Variants in ASTE1 observed in about 807,000 individuals in gnomAD.
ASTE1 encodes the protein asteroid structure-specific endonuclease 1, also known as single-strand DNA endonuclease ASTE1.
ASTE1 carries 49 observed loss-of-function variants against 45.8 expected under a neutral mutation model. The observed-to-expected ratio is 1.07, with a 90% CI of 0.85 to 1.36. The LOEUF (loss-of-function observed/expected upper bound fraction) is 1.36, where lower values mean the gene tolerates loss of function less well. Ranked by LOEUF, ASTE1 falls within the 40% of genes most tolerant of loss-of-function variation. The pLI is 0.00. For missense variants in ASTE1, 709 were observed against 804.0 expected, an observed-to-expected ratio of 0.88 and a Z score of 1.43; for synonymous variants, 296 against 303.9, an observed-to-expected ratio of 0.97 and a Z score of 0.27.
chr3:131,025,362 T>G (rs2063819910), intron 2 of ASTE1, 31 bp from the exon 3 acceptor site: 13 of 1,554,366 alleles, frequency 8.4e-6, no homozygotes, highest in Non-Finnish European at 1.1e-5. Flanking sequence ...CATTTTCAAT[T>G]GATGCTAGTT....
chr3:131,024,191 G>A lies in ASTE1; in HGVS notation c.1116C>T (p.Ile372=), dbSNP rs763485411. Residue 372 remains isoleucine, a synonymous_variant, in exon 3 of 6, where the codon ATC becomes ATT. Transcript: ENST00000264992. Reference sequence around the variant, plus strand: ...AAAGAAGCCCATAGATGATTTGCCTGATGGGCTGAGATATTCTGTGGGCAT... The same window carrying A: ...AAAGAAGCCCATAGATGATTTGCCTAATGGGCTGAGATATTCTGTGGGCAT... ...QPNAHRISQP[I]RQIIYGLLLN... is the part of the protein sequence containing the mutation. 1 of 1,614,168 alleles carries A rather than the reference G, an allele frequency of 6.2e-7. No homozygotes were observed. Among genetic ancestry groups the A allele is most frequent in the East Asian group, 2.2e-5 (1 of 44,884 alleles).
In ASTE1 at chr3:131,025,330, G is replaced by A. The variant is rs747685990; in HGVS notation, c.-24C>T. 14 of 1,591,514 alleles carry A rather than the reference G, an allele frequency of 8.8e-6. No individual in the cohort carries two copies. Among genetic ancestry groups the A allele is most frequent in the Middle Eastern group, 1.7e-4 (1 of 5,978 alleles). On this transcript the variant is annotated splice_region_variant and 5_prime_UTR_variant, in exon 3 of 6. Transcript: ENST00000264992. ...ATGATGACAGTCTAAAGAATTAATC[G>A]CCTGTTTAAAACAACAGAAAACATT...
At chr3:131,020,800 T>C (rs776955547) in intron 3 of ASTE1, among the ~76,000 whole-genome samples, 15 of 152,242 alleles carry the variant, frequency 9.9e-5, no homozygotes, top group Non-Finnish European at 2.1e-4. Flanking sequence ...AGCTGGGTGA[T>C]AGCAGAGCGC....
intron 4 of ASTE1, among the ~76,000 whole-genome samples, chr3:131,018,281 C>G (rs534337533): frequency 6.6e-6 from 1 of 152,336 alleles, no homozygotes; most frequent in South Asian, 2.1e-4. Flanking sequence ...ACACATCTCA[C>G]TGCTGTATAC....
rs2063557682 is a variant in ASTE1, at chr3:131,015,286, CT to C, written c.1709+857del. On this transcript the variant is annotated intron_variant, in intron 5 of 5. Transcript: ENST00000264992. The stretch of plus-strand genomic sequence containing the variant: ...AACAGCAAATAAAATAGACAAGCCC[CT>C]CCCCCCACAGAGTTTACATCTGAGT... 8.7e-6 allele frequency: 6 copies of C among 693,420 alleles called. No individual in the cohort carries two copies. In the Middle Eastern group the frequency reaches 1.4e-3, roughly 161 times the overall value. 43.0% of individuals were successfully genotyped at this position (693,420 alleles called of 1,614,324 possible).
In ASTE1 at chr3:131,025,479, T is replaced by C. The variant is rs2063827958; in HGVS notation, c.-31A>G. The stretch of plus-strand genomic sequence containing the variant: ...TCAACATCATAAATTCTTACCTAGA[T>C]CCTCAAGCAATGTTAGCTGTGCTTT... On this transcript the variant is annotated 5_prime_UTR_variant, in exon 2 of 6. Coordinates refer to ENST00000264992, the MANE Select transcript of ASTE1 (RefSeq NM_014065.4). The C allele has an allele frequency of 9.2e-7, 1 of 1,086,486 alleles. No homozygotes were observed. Among genetic ancestry groups the C allele is most frequent in the African/African-American group, 1.6e-5 (1 of 62,436 alleles). The allele number at this position is 1,086,486 out of a possible 1,614,324, so 67.3% of individuals were successfully genotyped here. A position where few individuals can be genotyped will look rare whatever the true frequency, so the allele number is the denominator to read the frequency against.
Position 131,018,703 on chromosome 3 carries a change from C to T in ASTE1, c.1316G>A (p.Arg439Lys), listed in dbSNP as rs778169586. 6.2e-7 allele frequency: 1 copy of T among 1,613,868 alleles called. No individual in the cohort carries two copies. The highest frequency in any genetic ancestry group is 8.5e-7 in the Non-Finnish European group (1 of 1,179,986). Residue 439 changes from arginine (R) to lysine (K), a missense_variant, in exon 4 of 6, where the codon AGG becomes AAG. Transcript: ENST00000264992. The part of the protein sequence containing the change: ...LSRLTELSLR[R>K]RQMLLLETLK... ...GGTTTCTAACAGAAGCATCTGCCGC[C>T]TCCTCAAGGAGAGCTGAAAATACAC...
intron 3 of ASTE1, 52 bp from the exon 4 acceptor site, chr3:131,018,768 T>C (rs1488874086): frequency 2.6e-6 from 4 of 1,565,612 alleles, no homozygotes; most frequent in Non-Finnish European, 3.5e-6. Flanking sequence ...ATGTCTGTTA[T>C]TTCTTTTTTC....
intron 3 of ASTE1, among the ~76,000 whole-genome samples, chr3:131,020,548 GTTA>G (rs1422098754): frequency 6.6e-6 from 1 of 151,216 alleles, no homozygotes; most frequent in Non-Finnish European, 1.5e-5. Context: ...ATCCCATGTG[GTTA>G]TTGTGGGAAT....
In ASTE1 at chr3:131,024,306, G is replaced by A; in HGVS notation, c.1001C>T (p.Ala334Val). The A allele has an allele frequency of 6.2e-7, 1 of 1,614,210 alleles. No homozygotes were observed. Among genetic ancestry groups the A allele is most frequent in the Non-Finnish European group, 8.5e-7 (1 of 1,180,042 alleles). The change falls in exon 3 of 6, where the codon GCT (alanine) becomes GTT (valine). Residue 334 changes from alanine (A) to valine (V), a missense_variant. Ala to Val is a moderately conservative substitution (Grantham distance 64). Transcript: ENST00000264992. ...GLPEWVLVAL[A>V]KGQLSPFISD... ...GATGAAAGGAGATAGCTGGCCTTTAGCTAAAGCCACTAATACCCATTCTGG... is the reference window on the plus strand; with the variant it reads ...GATGAAAGGAGATAGCTGGCCTTTAACTAAAGCCACTAATACCCATTCTGG...
In ASTE1 at chr3:131,025,252, T is replaced by C; in HGVS notation, c.55A>G (p.Thr19Ala). 2 of 1,614,190 alleles carry C rather than the reference T, an allele frequency of 1.2e-6. No homozygotes were observed. The highest frequency in any genetic ancestry group is 2.2e-5 in the South Asian group (2 of 91,086). The part of the protein sequence containing the change: ...FVEDHSNEFF[T>A]DLKLRDTKIV... Reference sequence around the variant, plus strand: ...TTTGTGTCCCGCAACTTCAAATCAGTGAAGAACTCATTACTATGATCTTCC... The same window carrying C: ...TTTGTGTCCCGCAACTTCAAATCAGCGAAGAACTCATTACTATGATCTTCC... The change falls in exon 3 of 6, where the codon ACT becomes GCT. Residue 19 changes from threonine (T) to alanine (A), a missense_variant. Transcript: ENST00000264992.
rs759687066 is a variant in ASTE1 at position 131,024,562 on chromosome 3, T to C, written c.745A>G (p.Lys249Glu). 6.2e-7 allele frequency: 1 copy of C among 1,613,932 alleles called. No homozygotes were observed. Among genetic ancestry groups the C allele is most frequent in the Admixed American group, 1.7e-5 (1 of 59,974 alleles). The change falls in exon 3 of 6, where the codon AAA (lysine) becomes GAA (glutamate). Residue 249 changes from lysine (K) to glutamate (E), a missense_variant. Transcript: ENST00000264992. The part of the protein sequence containing the change: ...ARLPLGATSS[K>E]GRRHHRILGL... ...AGGATTCGGTGGTGTCTCCTCCCTT[T>C]AGAACTGGTAGCTCCAAGAGGAAGA...
At position 131,024,588 on chromosome 3, in the gene ASTE1, C is replaced by T. The variant is rs529513023; in HGVS notation, c.719G>A (p.Arg240His). Residue 240 changes from arginine (R) to histidine (H), a missense_variant, in exon 3 of 6, where the codon CGT becomes CAT. Arg to His is a conservative substitution (Grantham distance 29, BLOSUM62 0). Transcript: ENST00000264992. ...AGAACTGGTAGCTCCAAGAGGAAGA[C>T]GCGCTTTACTTAAGAATGTCTCCAT... ...PIMETFLSKA[R>H]LPLGATSSKG... The T allele has an allele frequency of 4.8e-5, 77 of 1,612,748 alleles. No individual in the cohort carries two copies. Among genetic ancestry groups the T allele is most frequent in the East Asian group, 4.0e-4 (18 of 44,868 alleles).
At chr3:131,021,617 T>C (rs953953253) in intron 3 of ASTE1, among the ~76,000 whole-genome samples, 1 of 152,204 alleles carries the variant, frequency 6.6e-6, no homozygotes, top group African/African-American at 2.4e-5. Context: ...CATGGATGTA[T>C]AGACCTTGCA....
intron 5 of ASTE1, chr3:131,015,213 T>A: frequency 1.4e-6 from 1 of 702,450 alleles, no homozygotes; most frequent in South Asian, 1.5e-5. Context: ...CCATATTTTG[T>A]ATGCGTCCAT....
rs771090825 is a variant in ASTE1, at chr3:131,018,591, G to A, written c.1428C>T (p.Thr476=). Residue 476 remains threonine (T), a synonymous_variant, in exon 4 of 6, where the codon ACC becomes ACT. Coordinates refer to ENST00000264992, the MANE Select transcript of ASTE1 (RefSeq NM_014065.4). ...GATGATGTAGCTTTGCTTTGGTCTC[G>A]GTGTGCTGCAACCAGTAGCAACTGA... ...IAVSCYWLQH[T]ETKAKLHHLQ... is the part of the protein sequence containing the mutation. The A allele has an allele frequency of 2.1e-5, 34 of 1,613,862 alleles. No individual in the cohort carries two copies. The highest frequency in any genetic ancestry group is 6.7e-5 in the East Asian group (3 of 44,876).
Position 131,025,162 on chromosome 3 carries a change from A to G in ASTE1, c.145T>C (p.Tyr49His). 1 of 1,614,232 alleles carries G rather than the reference A, an allele frequency of 6.2e-7. No individual in the cohort carries two copies. Among genetic ancestry groups the G allele is most frequent in the Non-Finnish European group, 8.5e-7 (1 of 1,180,044 alleles). Residue 49 changes from tyrosine to histidine, a missense_variant, in exon 3 of 6, where the codon TAT becomes CAT. Transcript: ENST00000264992. ...GCAAAAGAATCATAGTCCCCTCCATACCGGAGATCCAAGTTTGAACTGAAG... is the reference window on the plus strand; with the variant it reads ...GCAAAAGAATCATAGTCCCCTCCATGCCGGAGATCCAAGTTTGAACTGAAG... ...LCFSSNLDLR[Y>H]GGDYDSFADV...
intron 3 of ASTE1, 42 bp from the exon 4 acceptor site, chr3:131,018,758 A>G: frequency 1.3e-6 from 2 of 1,585,284 alleles, no homozygotes; most frequent in Non-Finnish European, 1.7e-6. Flanking sequence ...ACTTTGGGAA[A>G]TGTCTGTTAT....
At position 131,024,723 on chromosome 3, in the gene ASTE1, G is replaced by T; in HGVS notation, c.584C>A (p.Ala195Asp). Residue 195 changes from alanine to aspartate, a missense_variant, in exon 3 of 6, where the codon GCC becomes GAC. Coordinates refer to ENST00000264992, the MANE Select transcript of ASTE1 (RefSeq NM_014065.4). ...GAATGCATCAAGGGAAAAGCATTTGGCAGGGATATAGTTTTGTGTGCCCTT... is the reference window on the plus strand; with the variant it reads ...GAATGCATCAAGGGAAAAGCATTTGTCAGGGATATAGTTTTGTGTGCCCTT... ...TIKGTQNYIP[A>D]KCFSLDAFCH... 1.9e-6 allele frequency: 3 copies of T among 1,607,118 alleles called. No homozygotes were observed. The highest frequency in any genetic ancestry group is 2.6e-6 in the Non-Finnish European group (3 of 1,176,438).
Sources: allele counts gnomAD v4.1 joint callset (sites outside exome capture counted in the v4.1 genomes callset), GRCh38; gene constraint gnomAD v4.1.1; transcripts MANE v1.5; gene names NCBI Gene and HGNC (gene_info 2026-07-23, HGNC 2026-07-21).